FARP2: variants seen among roughly 807,000 people sequenced by gnomAD.
FARP2 encodes FERM, ARH/RhoGEF and pleckstrin domain protein 2, also known as FERM, ARHGEF and pleckstrin domain-containing protein 2.
A neutral mutation model predicts 130.5 loss-of-function variants in FARP2; 111 were observed. The observed-to-expected ratio is 0.85, with a 90% CI of 0.73 to 1.00. The LOEUF (loss-of-function observed/expected upper bound fraction) is 1.00, where lower values mean the gene tolerates loss of function less well. Ranked by LOEUF, FARP2 falls within the 50% of genes least tolerant of loss-of-function variation. The pLI, the probability that FARP2 is intolerant of heterozygous loss-of-function variation, is 0.00. For missense variants in FARP2, 1,385 were observed against 1,346.3 expected, an observed-to-expected ratio of 1.03 and a Z score of -0.45; for synonymous variants, 504 against 516.9, an observed-to-expected ratio of 0.98 and a Z score of 0.34.
At chr2:241,444,391 A>G (rs935280582) in intron 13 of FARP2, 6 of 152,224 alleles carry the variant, frequency 3.9e-5, no homozygotes, top group Admixed American at 2.0e-4. Flanking sequence ...CTTAGTATTC[A>G]TATGGTAGCT....
intron 14 of FARP2, among the ~76,000 whole-genome samples, chr2:241,461,330 C>A (rs886808): frequency 1.3e-5 from 2 of 152,016 alleles, no homozygotes; most frequent in African/African-American, 4.8e-5. Context: ...GGTCCACCGG[C>A]AGCCTCTCTG....
intron 2 of FARP2, among the ~76,000 whole-genome samples, chr2:241,378,061 G>A (rs867682945): frequency 3.9e-5 from 6 of 152,034 alleles, no homozygotes; most frequent in Admixed American, 3.3e-4. Context: ...TAGGTGTGTA[G>A]TAGTATCTCA....
chr2:241,487,746 CTTTTT>C (rs1167750549), intron 21 of FARP2, among the ~76,000 whole-genome samples: 24 of 73,222 alleles, frequency 3.3e-4, no homozygotes, highest in African/African-American at 1.1e-3. Flanking sequence ...CTAGCCTACT[CTTTTT>C]TTTTTTTTTT....
At chr2:241,430,953 T>G (rs981449740) in intron 8 of FARP2, among the ~76,000 whole-genome samples, 3 of 151,838 alleles carry the variant, frequency 2.0e-5, no homozygotes, top group African/African-American at 7.3e-5. Flanking sequence ...CGAATGGAGA[T>G]TGTACCACTG....
chr2:241,410,904 C>T (rs184901090), intron 5 of FARP2, 129 bp from the exon 6 acceptor site: 322 of 633,624 alleles, frequency 5.1e-4, no homozygotes, highest in Non-Finnish European at 7.2e-4. Context: ...GACCGCCTTG[C>T]GTTTTGCTCA....
At chr2:241,454,884 T>C (rs2063790132) in intron 13 of FARP2, among the ~76,000 whole-genome samples, 1 of 152,206 alleles carries the variant, frequency 6.6e-6, no homozygotes, top group Non-Finnish European at 1.5e-5. Flanking sequence ...TGATATTTCA[T>C]CTTAAGAATC....
intron 13 of FARP2, chr2:241,444,132 TATTC>T (rs1342618513): frequency 6.6e-6 from 1 of 152,084 alleles, no homozygotes; most frequent in African/African-American, 2.4e-5. Context: ...GTATAGTTGT[TATTC>T]ATTCTGTCCC....
chr2:241,485,711 TC>T (rs1297820584), intron 21 of FARP2, among the ~76,000 whole-genome samples: 6 of 150,548 alleles, frequency 4.0e-5, no homozygotes, highest in African/African-American at 1.5e-4. Flanking sequence ...GGGTCCTCCT[TC>T]CCTAGGATCT....
intron 2 of FARP2, among the ~76,000 whole-genome samples, chr2:241,396,854 A>G (rs1298940061): frequency 6.6e-6 from 1 of 152,210 alleles, no homozygotes; most frequent in Non-Finnish European, 1.5e-5. Context: ...AAAGGACTAT[A>G]AATCATGCTG....
At chr2:241,394,083 T>C (rs2061971763) in intron 2 of FARP2, among the ~76,000 whole-genome samples, 1 of 152,194 alleles carries the variant, frequency 6.6e-6, no homozygotes, top group African/African-American at 2.4e-5. Flanking sequence ...CCTTCCGACC[T>C]AGTGCAGGGA....
intron 2 of FARP2, among the ~76,000 whole-genome samples, chr2:241,401,741 G>A (rs1342158892): frequency 1.3e-5 from 2 of 151,690 alleles, no homozygotes; most frequent in African/African-American, 2.4e-5. Context: ...TCTTTTTAAG[G>A]GTTGCATAGT....
At chr2:241,448,113 C>A (rs570449910) in intron 13 of FARP2, among the ~76,000 whole-genome samples, 2 of 152,308 alleles carry the variant, frequency 1.3e-5, no homozygotes, top group East Asian at 3.9e-4. Context: ...ACTCATGGGT[C>A]TCCTCAGAGC....
Position 241,463,970 on chromosome 2 carries a change from G to A in FARP2, c.1883G>A (p.Arg628His), listed in dbSNP as rs976834634. 10 of 1,613,726 alleles carry A rather than the reference G, an allele frequency of 6.2e-6. No homozygotes were observed. Among genetic ancestry groups the A allele is most frequent in the African/African-American group, 2.7e-5 (2 of 75,064 alleles). The change falls in exon 17 of 27, where the codon CGC (arginine) becomes CAC (histidine). Residue 628 changes from arginine (R) to histidine (H), a missense_variant. Coordinates refer to ENST00000264042, the MANE Select transcript of FARP2 (RefSeq NM_014808.4). ...GGGGACATCCTGCTCAGGAACATGC[G>A]CCAGTTAAAGGTAGGCTGCATGGTG... ...RIGDILLRNMRQLKEFTSYFQ... is the reference protein window; with the variant it reads ...RIGDILLRNMHQLKEFTSYFQ...
intron 24 of FARP2, 129 bp downstream of exon 24, chr2:241,491,808 T>A: frequency 1.2e-6 from 1 of 848,884 alleles, no homozygotes; most frequent in Non-Finnish European, 1.7e-6. Flanking sequence ...TGCCTCTTAC[T>A]CTCCCCTTGG....
chr2:241,473,098 T>G (rs1337692422), intron 18 of FARP2, among the ~76,000 whole-genome samples: 1 of 147,836 alleles, frequency 6.8e-6, no homozygotes, highest in African/African-American at 2.5e-5. Context: ...TGTTCTGAGG[T>G]GGACGCTGTT....
intron 10 of FARP2, 64 bp from the exon 11 acceptor site, chr2:241,434,898 T>C: frequency 1.0e-6 from 1 of 997,140 alleles, no homozygotes; most frequent in Non-Finnish European, 1.6e-6. Flanking sequence ...TCTTTTGTCT[T>C]TTACTCTGAA....
At chr2:241,486,919 C>T (rs1401659309) in intron 21 of FARP2, among the ~76,000 whole-genome samples, 1 of 152,218 alleles carries the variant, frequency 6.6e-6, no homozygotes, top group Non-Finnish European at 1.5e-5. Context: ...TTACTCTTCC[C>T]AAGTGGGTAA....
rs939962822 is a variant in FARP2 at position 241,418,003 on chromosome 2, T to C, written c.665T>C (p.Ile222Thr). Residue 222 changes from isoleucine (I) to threonine (T), a missense_variant, in exon 8 of 27, where the codon ATT becomes ACT. Transcript: ENST00000264042. ...PAESDFQVLE[I>T]ARKLEMYGIR... ...GAGTCGGATTTCCAGGTGCTCGAAA[T>C]TGCTCGAAAGTTGGAAATGTACGGC... The C allele has an allele frequency of 1.9e-6, 3 of 1,614,010 alleles. No homozygotes were observed. Among genetic ancestry groups the C allele is most frequent in the Non-Finnish European group, 2.5e-6 (3 of 1,180,046 alleles).
intron 8 of FARP2, among the ~76,000 whole-genome samples, chr2:241,423,896 A>C (rs2062867969): frequency 6.6e-6 from 1 of 152,216 alleles, no homozygotes; most frequent in South Asian, 2.1e-4. Flanking sequence ...AGGGTTCAAC[A>C]AGAAGAGCTA....
Sources: gnomAD v4.1 joint callset for allele counts (sites outside exome capture counted in the v4.1 genomes callset) on GRCh38, gnomAD v4.1.1 for gene constraint, MANE v1.5 for transcripts, NCBI Gene and HGNC (gene_info 2026-07-23, HGNC 2026-07-21) for gene names.